The following OPCML variants were observed in gnomAD, a reference collection of about 807,000 sequenced individuals.
OPCML encodes opioid binding protein/cell adhesion molecule like, also known as opioid-binding protein/cell adhesion molecule.
A neutral mutation model predicts 37.8 loss-of-function variants in OPCML; 13 were observed. The ratio of observed to expected loss-of-function variants is 0.34; its 90% CI spans 0.22 to 0.55. OPCML has a LOEUF of 0.55. OPCML is among the 20% of genes least tolerant of loss of function. The pLI is 0.91. For missense variants in OPCML, 341 were observed against 435.6 expected (o/e 0.78, Z 1.93); for synonymous variants, 176 against 168.8 (o/e 1.04, Z -0.33).
At chr11:133,161,798 A>G (rs76019663) in intron 1 of OPCML, among the ~76,000 whole-genome samples, 2,945 of 152,226 alleles carry the variant, frequency 0.019, 87 homozygotes, top group African/African-American at 0.062. Context: ...TTGGGATTTC[A>G]ATGCATCTAT....
In OPCML at chr11:133,444,799, G is replaced by T. The variant is rs1462927005; in HGVS notation, c.61+87465C>A. On this transcript the variant is annotated intron_variant, in intron 1 of 7. Transcript: ENST00000524381. ...CTAACTTTGAGTTTTTTGTTTTTTG[G>T]TTTTTTTTGCATGCAGCTGTATCCA... Among the ~76,000 whole-genome samples the T allele has an allele frequency of 4.8e-5, 7 of 146,502 alleles. No individual in the cohort carries two copies. The East Asian group carries it at 1.2e-3, about 24-fold the overall frequency.
At chr11:133,397,644 G>A (rs1464807444) in intron 1 of OPCML, among the ~76,000 whole-genome samples, 2 of 152,212 alleles carry the variant, frequency 1.3e-5, no homozygotes, top group Non-Finnish European at 2.9e-5. Context: ...ATTGGCTTAT[G>A]CCATTTGTTC....
intron 1 of OPCML, among the ~76,000 whole-genome samples, chr11:133,155,692 C>G (rs1950051058): frequency 6.6e-6 from 1 of 152,180 alleles, no homozygotes; most frequent in Non-Finnish European, 1.5e-5. Flanking sequence ...CTTTTCTGAA[C>G]TCAAATTTAT....
rs71067383 is a variant in OPCML at position 132,638,186 on chromosome 11, T to TATATATATATATATATATACAC, written c.379+18900_379+18901insGTGTATATATATATATATATAT. Among the ~76,000 whole-genome samples, 13 of 131,074 alleles carry TATATATATATATATATATACAC rather than the reference T, an allele frequency of 9.9e-5. 1 individual carries two copies. The highest frequency in any genetic ancestry group is 6.7e-4 in the East Asian group (3 of 4,500). 86.0% of individuals were successfully genotyped at this position (131,074 alleles called of 152,430 possible). A position where few individuals can be genotyped will look rare whatever the true frequency, so the allele number is the denominator to read the frequency against. The stretch of plus-strand genomic sequence containing the variant: ...GACTATATATATATATATATATATA[T>TATATATATATATATATATACAC]ACAGAGAGAGAGAGAGCATATATAC... On this transcript the variant is annotated intron_variant, in intron 3 of 7. Coordinates refer to ENST00000524381, the MANE Select transcript of OPCML (RefSeq NM_001012393.5).
At chr11:133,369,239 T>A (rs780400781) in intron 1 of OPCML, among the ~76,000 whole-genome samples, 2 of 152,256 alleles carry the variant, frequency 1.3e-5, no homozygotes, top group South Asian at 4.1e-4. Context: ...TATCATGTTA[T>A]GCATAGAAAT....
At chr11:132,537,648 C>T (rs1018192828) in intron 3 of OPCML, among the ~76,000 whole-genome samples, 1 of 152,112 alleles carries the variant, frequency 6.6e-6, no homozygotes, top group African/African-American at 2.4e-5. Flanking sequence ...AGAAAATCCA[C>T]AAAATAAGAC....
intron 2 of OPCML, among the ~76,000 whole-genome samples, chr11:132,861,148 G>A (rs1193031152): frequency 6.6e-6 from 1 of 152,136 alleles, no homozygotes; most frequent in African/African-American, 2.4e-5. Context: ...TAAATAACTC[G>A]TGTTCTTTAT....
rs12805271 is a variant in OPCML, at chr11:132,782,919, A to G, written c.147-125600T>C. 8.8e-3 allele frequency among the ~76,000 whole-genome samples: 791 copies of G among 89,688 alleles called. 11 individuals are homozygous for G. Among genetic ancestry groups the G allele is most frequent in the African/African-American group, 0.039 (629 of 16,034 alleles). The allele number at this position is 89,688 out of a possible 152,430, so 58.8% of individuals were successfully genotyped here. A position where few individuals can be genotyped will look rare whatever the true frequency, so the allele number is the denominator to read the frequency against. On this transcript the variant is annotated intron_variant, in intron 2 of 7. Transcript: ENST00000524381. Reference sequence around the variant, plus strand: ...TATGTAATATATATATAGTGTGTGTATATATATATATATATATATATATAT... The same window carrying G: ...TATGTAATATATATATAGTGTGTGTGTATATATATATATATATATATATAT...
At chr11:133,314,018 G>C (rs61912384) in intron 1 of OPCML, among the ~76,000 whole-genome samples, 1 of 151,484 alleles carries the variant, frequency 6.6e-6, no homozygotes, top group Non-Finnish European at 1.5e-5. Context: ...GGCGGATCAC[G>C]AGGTCAGGAG....
chr11:133,165,810 C>G (rs1950201583), intron 1 of OPCML, among the ~76,000 whole-genome samples: 1 of 152,136 alleles, frequency 6.6e-6, no homozygotes, highest in Non-Finnish European at 1.5e-5. Flanking sequence ...CTCCAGGATG[C>G]TTTTTGACAA....
chr11:132,446,779 G>A (rs967505370), intron 4 of OPCML, among the ~76,000 whole-genome samples: 1 of 152,078 alleles, frequency 6.6e-6, no homozygotes, highest in Non-Finnish European at 1.5e-5. Flanking sequence ...TTAAACGACA[G>A]CATTTTTTTT....
intron 1 of OPCML, among the ~76,000 whole-genome samples, chr11:133,393,544 T>C (rs1045181350): frequency 6.6e-6 from 1 of 152,202 alleles, no homozygotes; most frequent in Non-Finnish European, 1.5e-5. Context: ...TAGAATGATG[T>C]TGACCACAGT....
chr11:132,572,632 A>G (rs921712907), intron 3 of OPCML, among the ~76,000 whole-genome samples: 1 of 152,144 alleles, frequency 6.6e-6, no homozygotes, highest in South Asian at 2.1e-4. Flanking sequence ...TGCCAGTACC[A>G]TACAGTTTTG....
At chr11:133,197,559 G>A (rs567730815) in intron 1 of OPCML, among the ~76,000 whole-genome samples, 1 of 152,148 alleles carries the variant, frequency 6.6e-6, no homozygotes, top group African/African-American at 2.4e-5. Context: ...TAGATAATAA[G>A]CCACTTGCTC....
chr11:133,280,537 A>G (rs937888766), intron 1 of OPCML, among the ~76,000 whole-genome samples: 5 of 152,284 alleles, frequency 3.3e-5, no homozygotes, highest in Middle Eastern at 3.4e-3. Context: ...CAAATCCCCT[A>G]ACATTTGCGC....
At chr11:133,311,434 A>G (rs1943065243) in intron 1 of OPCML, among the ~76,000 whole-genome samples, 1 of 152,190 alleles carries the variant, frequency 6.6e-6, no homozygotes, top group African/African-American at 2.4e-5. Context: ...AGGCATCAAA[A>G]CTGCATCATT....
At chr11:133,476,790 C>T (rs1211828352) in intron 1 of OPCML, among the ~76,000 whole-genome samples, 1 of 152,184 alleles carries the variant, frequency 6.6e-6, no homozygotes, top group Non-Finnish European at 1.5e-5. Flanking sequence ...AGTTTTGGCC[C>T]ATTTCACACC....
Position 132,464,551 on chromosome 11 carries a change from T to A in OPCML, c.506-27192A>T, listed in dbSNP as rs559418031. 6.2e-4 allele frequency among the ~76,000 whole-genome samples: 94 copies of A among 152,346 alleles called. No individual in the cohort carries two copies. The Middle Eastern group carries it at 0.01, about 17-fold the overall frequency. The stretch of plus-strand genomic sequence containing the variant: ...ATTATTTGTTAAGTAAAAGAATGAA[T>A]AAATAAAAGTTTCCATTAATCAAAT... On this transcript the variant is annotated intron_variant, in intron 4 of 7. Transcript: ENST00000524381.
intron 2 of OPCML, among the ~76,000 whole-genome samples, chr11:132,679,055 C>T (rs1388939029): frequency 6.6e-6 from 1 of 151,944 alleles, no homozygotes; most frequent in Non-Finnish European, 1.5e-5. Context: ...TCTATTAAGG[C>T]AGATATTAAA....
Sources: allele counts gnomAD v4.1 joint callset (sites outside exome capture counted in the v4.1 genomes callset), GRCh38; gene constraint gnomAD v4.1.1; transcripts MANE v1.5; gene names NCBI Gene and HGNC (gene_info 2026-07-23, HGNC 2026-07-21).